GRIA1: variants seen among roughly 807,000 people sequenced by gnomAD.
GRIA1 encodes glutamate ionotropic receptor AMPA type subunit 1.
A neutral mutation model predicts 99.2 loss-of-function variants in GRIA1; 31 were observed. That is an observed-to-expected ratio of 0.31 (90% CI 0.23 to 0.42). The LOEUF is 0.42. Among genes scored for constraint, GRIA1 ranks in the 10% least tolerant of loss-of-function variants. GRIA1 has a pLI of 1.00. For missense variants in GRIA1, 782 were observed against 1,157.5 expected, an observed-to-expected ratio of 0.68 and a Z score of 4.71; for synonymous variants, 438 against 432.4, an observed-to-expected ratio of 1.01 and a Z score of -0.16.
intron 5 of GRIA1, among the ~76,000 whole-genome samples, chr5:153,658,225 T>C (rs970356005): frequency 1.2e-4 from 18 of 152,058 alleles, no homozygotes; most frequent in African/African-American, 4.3e-4. Context: ...AGAACAAGAA[T>C]ACACAGAACA....
chr5:153,549,544 T>C (rs1008824156), intron 2 of GRIA1, among the ~76,000 whole-genome samples: 2 of 152,102 alleles, frequency 1.3e-5, no homozygotes, highest in African/African-American at 4.8e-5. Context: ...TTGGGTTTAT[T>C]GTGGGTCTGA....
At chr5:153,710,754 G>T (rs1401205776) in intron 11 of GRIA1, among the ~76,000 whole-genome samples, 1 of 152,332 alleles carries the variant, frequency 6.6e-6, no homozygotes. Flanking sequence ...GTGATGGAGT[G>T]TGGAGGGCAG....
intron 5 of GRIA1, among the ~76,000 whole-genome samples, chr5:153,657,285 C>A (rs1431087641): frequency 6.6e-6 from 1 of 152,208 alleles, no homozygotes; most frequent in Non-Finnish European, 1.5e-5. Context: ...GTGGCTGCAT[C>A]ACCCATCAAA....
intron 2 of GRIA1, among the ~76,000 whole-genome samples, chr5:153,532,363 T>C (rs1758168973): frequency 6.6e-6 from 1 of 152,176 alleles, no homozygotes. Flanking sequence ...CTGAATTTCT[T>C]CAGACCTCAC....
At chr5:153,552,047 A>G (rs1408616585) in intron 2 of GRIA1, among the ~76,000 whole-genome samples, 3 of 151,826 alleles carry the variant, frequency 2.0e-5, no homozygotes, top group Admixed American at 6.6e-5. Context: ...TGAGGCTCAG[A>G]CTCTTTCTAT....
chr5:153,543,266 G>A (rs1007467486), intron 2 of GRIA1, among the ~76,000 whole-genome samples: 3 of 152,144 alleles, frequency 2.0e-5, no homozygotes, highest in African/African-American at 7.2e-5. Context: ...GGCAGTTGTG[G>A]TGGTGGTGGT....
In GRIA1 at chr5:153,630,256, T is replaced by TATCATCATCATC. The variant is rs3037009; in HGVS notation, c.221-16657_221-16646dup. Among the ~76,000 whole-genome samples the TATCATCATCATC allele has an allele frequency of 7.7e-3, 1,162 of 151,194 alleles. 9 individuals are homozygous for TATCATCATCATC. Among genetic ancestry groups the TATCATCATCATC allele is most frequent in the African/African-American group, 0.01 (418 of 41,240 alleles). ...TAATGTTAGAAATAATAATGATAAT[T>TATCATCATCATC]ATCATCATCATCATCATCATCATCA... On this transcript the variant is annotated intron_variant, in intron 2 of 15. Transcript: ENST00000285900.
intron 2 of GRIA1, among the ~76,000 whole-genome samples, chr5:153,645,697 C>T (rs528331989): frequency 1.1e-4 from 16 of 152,130 alleles, no homozygotes; most frequent in African/African-American, 3.4e-4. Context: ...GGGCAATGGT[C>T]GCATACTGTA....
At chr5:153,513,929 G>T (rs1330461082) in intron 2 of GRIA1, among the ~76,000 whole-genome samples, 1 of 152,178 alleles carries the variant, frequency 6.6e-6, no homozygotes, top group African/African-American at 2.4e-5. Context: ...GAAATGCTGA[G>T]TGTAAGGCCT....
chr5:153,541,584 A>T (rs961910828), intron 2 of GRIA1, among the ~76,000 whole-genome samples: 9 of 152,178 alleles, frequency 5.9e-5, no homozygotes, highest in Non-Finnish European at 8.8e-5. Flanking sequence ...GCTCATCATT[A>T]GTACTAATTT....
chr5:153,575,401 G>A (rs1027058686), intron 2 of GRIA1, among the ~76,000 whole-genome samples: 2 of 152,088 alleles, frequency 1.3e-5, no homozygotes, highest in Non-Finnish European at 2.9e-5. Context: ...GTTGTTGTTT[G>A]CCATCTTTAG....
chr5:153,741,543 G>T (rs1222503772), intron 11 of GRIA1, among the ~76,000 whole-genome samples: 1 of 152,174 alleles, frequency 6.6e-6, no homozygotes, highest in African/African-American at 2.4e-5. Flanking sequence ...AGAAAATGTG[G>T]TGTACACATA....
chr5:153,713,391 G>A (rs948708900), intron 11 of GRIA1, among the ~76,000 whole-genome samples: 1 of 152,256 alleles, frequency 6.6e-6, no homozygotes, highest in Non-Finnish European at 1.5e-5. Context: ...TGTGAAGTGT[G>A]CATGGACTGT....
At chr5:153,796,085 C>G (rs1245130312) in intron 14 of GRIA1, among the ~76,000 whole-genome samples, 1 of 145,538 alleles carries the variant, frequency 6.9e-6, no homozygotes, top group Non-Finnish European at 1.5e-5. Flanking sequence ...TTTAAGGATA[C>G]CCTTTGGCTT....
intron 6 of GRIA1, 52 bp from the exon 7 acceptor site, chr5:153,676,942 G>A (rs1463833697): frequency 2.6e-5 from 35 of 1,325,180 alleles, no homozygotes; most frequent in Non-Finnish European, 3.2e-5. Context: ...ACCCAAACCT[G>A]CCTTCCTGTC....
intron 15 of GRIA1, among the ~76,000 whole-genome samples, 163 bp downstream of exon 15, chr5:153,802,653 G>A (rs1377856841): frequency 6.6e-6 from 1 of 152,164 alleles, no homozygotes; most frequent in East Asian, 1.9e-4. Context: ...GACAAAGGCA[G>A]CCATGAGAAA....
chr5:153,754,511 G>T (rs1762698218), intron 11 of GRIA1, among the ~76,000 whole-genome samples: 2 of 152,198 alleles, frequency 1.3e-5, no homozygotes. Flanking sequence ...GAACAGGGAA[G>T]AAGGAGTCTT....
At chr5:153,746,319 A>G (rs1034773836) in intron 11 of GRIA1, among the ~76,000 whole-genome samples, 2 of 151,844 alleles carry the variant, frequency 1.3e-5, no homozygotes, top group Non-Finnish European at 2.9e-5. Flanking sequence ...GTAGGGTGAA[A>G]AAATACCTGG....
At chr5:153,721,111 C>T (rs1029268137) in intron 11 of GRIA1, among the ~76,000 whole-genome samples, 2 of 152,140 alleles carry the variant, frequency 1.3e-5, no homozygotes, top group African/African-American at 2.4e-5. Context: ...TAAGCTAAGG[C>T]TTCTTACATT....
Sources: allele counts gnomAD v4.1 joint callset (sites outside exome capture counted in the v4.1 genomes callset), GRCh38; gene constraint gnomAD v4.1.1; transcripts MANE v1.5; gene names NCBI Gene and HGNC (gene_info 2026-07-23, HGNC 2026-07-21).